GPM6A: variants seen among roughly 807,000 people sequenced by gnomAD.
The protein encoded by GPM6A is neuronal membrane glycoprotein M6-a.
GPM6A carries 7 observed loss-of-function variants against 32.1 expected under a neutral mutation model. The ratio of observed to expected loss-of-function variants is 0.22; its 90% confidence interval spans 0.12 to 0.41. The LOEUF is 0.41. Among genes scored for constraint, GPM6A ranks in the 10% least tolerant of loss-of-function variants. GPM6A has a pLI of 1.00. For synonymous variants in GPM6A, 130 were observed against 123.4 expected, an observed-to-expected ratio of 1.05 and a Z score of -0.35; for missense variants, 235 against 347.2, an observed-to-expected ratio of 0.68 and a Z score of 2.57.
At chr4:175,810,531 G>T (rs1220701381) in intron 1 of GPM6A, among the ~76,000 whole-genome samples, 1 of 151,984 alleles carries the variant, frequency 6.6e-6, no homozygotes, top group Non-Finnish European at 1.5e-5. Context: ...TGTTACCTGA[G>T]AAAAAAACAT....
rs997986702 is a variant in GPM6A at position 175,945,732 on chromosome 4, G to A, written c.-23+56577C>T. ...TATATTACTTATAATTAAGTAATAC[G>A]GGTGCATATTACTTACAACTCAGTA... On this transcript the variant is annotated intron_variant, in intron 1 of 7. Coordinates refer to the GPM6A transcript ENST00000280187. Among the ~76,000 whole-genome samples, 6 of 150,266 alleles carry A rather than the reference G, an allele frequency of 4.0e-5. 1 individual carries two copies. The highest frequency in any genetic ancestry group is 8.9e-5 in the Non-Finnish European group (6 of 67,650).
At chr4:175,667,585 G>T (rs1008775792) in intron 3 of GPM6A, among the ~76,000 whole-genome samples, 1 of 152,022 alleles carries the variant, frequency 6.6e-6, no homozygotes, top group African/African-American at 2.4e-5. Context: ...TATCACTATT[G>T]GTTCATTAAT....
intron 1 of GPM6A, among the ~76,000 whole-genome samples, chr4:175,969,844 G>A (rs1174688960): frequency 2.0e-5 from 3 of 152,260 alleles, no homozygotes; most frequent in African/African-American, 7.2e-5. Flanking sequence ...AGAACTCTAT[G>A]TACTTTCAAC....
Position 175,747,352 on chromosome 4 carries a change from A to G in GPM6A, c.38-45585T>C, listed in dbSNP as rs75244577. 1.5e-3 allele frequency among the ~76,000 whole-genome samples: 234 copies of G among 152,130 alleles called. 1 individual carries two copies. The East Asian group carries it at 0.037, about 24-fold the overall frequency. On this transcript the variant is annotated intron_variant, in intron 1 of 6. Transcript: ENST00000393658. Reference sequence around the variant, plus strand: ...TCATAATAAGACTGAATTAAATATTACATCATTATGAGGGAGTATGAAATA... The same window carrying G: ...TCATAATAAGACTGAATTAAATATTGCATCATTATGAGGGAGTATGAAATA...
rs141298745 is a variant in GPM6A, at chr4:175,750,304, C to T, written c.38-48537G>A. Among the ~76,000 whole-genome samples, 112 of 152,192 alleles carry T rather than the reference C, an allele frequency of 7.4e-4. 3 individuals carry two copies. The highest frequency in any genetic ancestry group is 2.5e-3 in the African/African-American group (102 of 41,514). On this transcript the variant is annotated intron_variant, in intron 1 of 6. Transcript: ENST00000393658. ...AACTCTTGACCTCAGGTGATCCACC[C>T]GCCTTGGCCTCTTAAAGAGTTGGGA...
chr4:175,810,736 C>CA (rs1734885666), intron 1 of GPM6A, among the ~76,000 whole-genome samples: 1 of 151,954 alleles, frequency 6.6e-6, no homozygotes, highest in African/African-American at 2.4e-5. Flanking sequence ...TTAGGTATTA[C>CA]AAAAAAGATG....
At chr4:175,817,133 C>T (rs1164404505), upstream of GPM6A, among the ~76,000 whole-genome samples, 3 of 152,176 alleles carry the variant, frequency 2.0e-5, no homozygotes, top group Non-Finnish European at 2.9e-5. Flanking sequence ...GCTGGGATTA[C>T]GGGCGTGAGC....
chr4:175,669,510 C>G (rs910664520), intron 3 of GPM6A, among the ~76,000 whole-genome samples: 4 of 152,126 alleles, frequency 2.6e-5, no homozygotes, highest in African/African-American at 9.7e-5. Flanking sequence ...TTGAGCATCA[C>G]GTTGACGCTC....
chr4:175,740,550 G>A (rs984497162), intron 1 of GPM6A, among the ~76,000 whole-genome samples: 7 of 151,852 alleles, frequency 4.6e-5, no homozygotes, highest in Admixed American at 1.3e-4. Flanking sequence ...CCTCCCAACA[G>A]AAAGAAAAAT....
rs1010128679 is a variant in GPM6A at position 175,711,223 on chromosome 4, G to C, written c.38-9456C>G. 4.2e-4 allele frequency among the ~76,000 whole-genome samples: 63 copies of C among 151,470 alleles called. 1 individual carries two copies. The highest frequency in any genetic ancestry group is 1.5e-3 in the African/African-American group (63 of 41,292). ...GTTTGGGAACAAAAAAGGTTTTCTT[G>C]CTATTTAATCTACCATACTACTGGT... On this transcript the variant is annotated intron_variant, in intron 1 of 6. Coordinates refer to ENST00000393658, the MANE Select transcript of GPM6A (RefSeq NM_201591.3).
intron 1 of GPM6A, among the ~76,000 whole-genome samples, chr4:175,758,120 C>T (rs1367786631): frequency 6.6e-6 from 1 of 152,128 alleles, no homozygotes; most frequent in Non-Finnish European, 1.5e-5. Flanking sequence ...TCCAAAGTAA[C>T]CCATTGAACC....
intron 6 of GPM6A, among the ~76,000 whole-genome samples, chr4:175,639,280 GA>G (rs996854076): frequency 4.1e-4 from 63 of 152,182 alleles, no homozygotes; most frequent in African/African-American, 1.4e-3. Context: ...TCTGACAAGA[GA>G]AAAACATTTT....
upstream of GPM6A, among the ~76,000 whole-genome samples, chr4:175,816,805 C>T (rs1399223201): frequency 2.6e-5 from 4 of 152,204 alleles, no homozygotes; most frequent in African/African-American, 4.8e-5. Flanking sequence ...CCTTTGTCTG[C>T]TGCTTTAAGC....
intron 1 of GPM6A, among the ~76,000 whole-genome samples, chr4:175,957,029 T>C (rs1740008835): frequency 6.6e-6 from 1 of 152,214 alleles, no homozygotes; most frequent in Non-Finnish European, 1.5e-5. Flanking sequence ...ATTGTTCATA[T>C]AAGCGTAGGG....
chr4:175,826,267 G>T (rs898781597), intron 1 of GPM6A, among the ~76,000 whole-genome samples: 8 of 151,810 alleles, frequency 5.3e-5, no homozygotes, highest in Admixed American at 5.3e-4. Context: ...ATTACCTAAT[G>T]CAGAAATTAA....
rs143471915 is a variant in GPM6A at position 175,665,095 on chromosome 4, G to A, written c.387+8585C>T. On this transcript the variant is annotated intron_variant, in intron 3 of 6. Transcript: ENST00000393658. The stretch of plus-strand genomic sequence containing the variant: ...GGACCACCCTCTGACACGTGGTTCA[G>A]CACTGATGAACACATTAGGGGGTGC... Among the ~76,000 whole-genome samples the A allele has an allele frequency of 5.1e-3, 780 of 152,316 alleles. 11 individuals are homozygous for A. The highest frequency in any genetic ancestry group is 0.02 in the Middle Eastern group (6 of 294).
intron 1 of GPM6A, among the ~76,000 whole-genome samples, chr4:175,834,222 G>T (rs1735696884): frequency 6.6e-6 from 1 of 152,120 alleles, no homozygotes; most frequent in Non-Finnish European, 1.5e-5. Context: ...ATCTGCTATA[G>T]AATGTCCCTA....
chr4:175,882,653 C>CAT (rs1170022806), intron 1 of GPM6A, among the ~76,000 whole-genome samples: 7 of 151,690 alleles, frequency 4.6e-5, no homozygotes, highest in East Asian at 3.9e-4. Flanking sequence ...AAAAAATATT[C>CAT]ATATATATAT....
intron 2 of GPM6A, among the ~76,000 whole-genome samples, chr4:175,681,481 A>G (rs1743684479): frequency 6.6e-6 from 1 of 152,196 alleles, no homozygotes; most frequent in Non-Finnish European, 1.5e-5. Flanking sequence ...TCTATAAATA[A>G]GGGATATTAT....
Sources: allele counts gnomAD v4.1 joint callset (sites outside exome capture counted in the v4.1 genomes callset), GRCh38; gene constraint gnomAD v4.1.1; transcripts MANE v1.5; gene names NCBI Gene and HGNC (gene_info 2026-07-23, HGNC 2026-07-21).